The following ZBTB16 variants were observed in gnomAD, a reference collection of about 807,000 sequenced individuals.
The protein encoded by ZBTB16 is zinc finger and BTB domain containing 16.
Under a neutral mutation model 56.8 loss-of-function variants are expected in ZBTB16, and 8 were observed. The ratio of observed to expected loss-of-function variants is 0.14; its 90% CI spans 0.08 to 0.25. ZBTB16 has a LOEUF of 0.25. Among genes scored for constraint, ZBTB16 ranks in the 10% least tolerant of loss-of-function variants. ZBTB16 has a pLI of 1.00. For missense variants in ZBTB16, 625 were observed against 903.0 expected, an observed-to-expected ratio of 0.69 and a Z score of 3.95; for synonymous variants, 363 against 368.5, an observed-to-expected ratio of 0.98 and a Z score of 0.17.
At chr11:114,156,750 T>C (rs1009728516) in intron 3 of ZBTB16, among the ~76,000 whole-genome samples, 3 of 152,266 alleles carry the variant, frequency 2.0e-5, no homozygotes, top group Non-Finnish European at 4.4e-5. Context: ...AGGTTCTCAC[T>C]GTCTAATGAA....
At chr11:114,237,074 C>T (rs1163297580) in intron 4 of ZBTB16, 1 of 152,316 alleles carries the variant, frequency 6.6e-6, no homozygotes, top group East Asian at 1.9e-4. Flanking sequence ...GTTCACTGCA[C>T]AAGGGTGCCC....
At chr11:114,155,383 C>T (rs1013086438) in intron 2 of ZBTB16, among the ~76,000 whole-genome samples, 6 of 152,256 alleles carry the variant, frequency 3.9e-5, no homozygotes, top group African/African-American at 7.2e-5. Context: ...TCCCTGCTAG[C>T]GCACCCGGTT....
chr11:114,192,954 G>A (rs986922059), intron 4 of ZBTB16, among the ~76,000 whole-genome samples: 1 of 152,210 alleles, frequency 6.6e-6, no homozygotes, highest in Non-Finnish European at 1.5e-5. Context: ...GTCCCCGAGG[G>A]ATGAGCAGCT....
chr11:114,198,755 T>G (rs1266821348), intron 4 of ZBTB16, among the ~76,000 whole-genome samples: 1 of 152,180 alleles, frequency 6.6e-6, no homozygotes, highest in Non-Finnish European at 1.5e-5. Context: ...GGCACATCAT[T>G]GTCACCCAGG....
rs557815205 is a variant in ZBTB16, at chr11:114,253,357, G to A, written c.*2802G>A. ...TTTTGTAGTATCTGTTAGTTCCTTC[G>A]TCAGTTCTGCAGAACCTTGCCCTTT... On this transcript the variant is annotated 3_prime_UTR_variant, in exon 7 of 7. Coordinates refer to ENST00000335953, the MANE Select transcript of ZBTB16 (RefSeq NM_006006.6). Among the ~76,000 whole-genome samples, 2 of 152,104 alleles carry A rather than the reference G, an allele frequency of 1.3e-5. No individual in the cohort carries two copies. Among genetic ancestry groups the A allele is most frequent in the Non-Finnish European group, 2.9e-5 (2 of 68,006 alleles).
At chr11:114,228,075 C>T (rs566543654) in intron 4 of ZBTB16, among the ~76,000 whole-genome samples, 5 of 152,254 alleles carry the variant, frequency 3.3e-5, no homozygotes, top group African/African-American at 1.2e-4. Flanking sequence ...CCATTGGCTC[C>T]CTGGGCAGTC....
chr11:114,138,312 T>C (rs1197460819), intron 2 of ZBTB16, among the ~76,000 whole-genome samples: 1 of 152,112 alleles, frequency 6.6e-6, no homozygotes, highest in East Asian at 1.9e-4. Flanking sequence ...GACAGAGGCA[T>C]AGGTTTTTGG....
At chr11:114,219,317 A>C (rs1273343800) in intron 4 of ZBTB16, among the ~76,000 whole-genome samples, 1 of 152,234 alleles carries the variant, frequency 6.6e-6, no homozygotes, top group Non-Finnish European at 1.5e-5. Flanking sequence ...AGAACACTCC[A>C]GGTCACAGAC....
chr11:114,077,182 C>G (rs1408313678), intron 2 of ZBTB16, among the ~76,000 whole-genome samples: 1 of 152,118 alleles, frequency 6.6e-6, no homozygotes, highest in African/African-American at 2.4e-5. Flanking sequence ...TTCATTCTGG[C>G]CAGCCCTGGA....
chr11:114,142,308 G>A (rs566715355), intron 2 of ZBTB16, among the ~76,000 whole-genome samples: 396 of 152,268 alleles, frequency 2.6e-3, no homozygotes, highest in Non-Finnish European at 3.9e-3. Context: ...GTAGCTCTAT[G>A]CCCTGCCAAG....
At chr11:114,213,377 A>G (rs1944034450) in intron 4 of ZBTB16, among the ~76,000 whole-genome samples, 1 of 152,176 alleles carries the variant, frequency 6.6e-6, no homozygotes, top group African/African-American at 2.4e-5. Flanking sequence ...ATGCAATACA[A>G]AGAATTTTCT....
At chr11:114,070,344 A>G (rs889203197) in intron 2 of ZBTB16, among the ~76,000 whole-genome samples, 3 of 150,886 alleles carry the variant, frequency 2.0e-5, no homozygotes, top group Admixed American at 6.6e-5. Flanking sequence ...TCCTGACCTC[A>G]TGATCCACCC....
chr11:114,186,639 C>T (rs1196412599), intron 3 of ZBTB16, among the ~76,000 whole-genome samples: 1 of 152,022 alleles, frequency 6.6e-6, no homozygotes, highest in African/African-American at 2.4e-5. Context: ...TCCCCCCCAT[C>T]ACCTGGAGCT....
chr11:114,208,922 G>A (rs1414785331), intron 4 of ZBTB16, among the ~76,000 whole-genome samples: 1 of 152,208 alleles, frequency 6.6e-6, no homozygotes, highest in Non-Finnish European at 1.5e-5. Flanking sequence ...GGGTCAATGA[G>A]ACAGATTCCA....
intron 4 of ZBTB16, among the ~76,000 whole-genome samples, chr11:114,231,308 C>A (rs771176611): frequency 2.0e-5 from 3 of 152,124 alleles, no homozygotes; most frequent in Non-Finnish European, 2.9e-5. Context: ...GGGTCTGGTT[C>A]TCTGACTTGC....
chr11:114,214,269 T>G (rs28499226), intron 4 of ZBTB16, among the ~76,000 whole-genome samples: 1 of 152,182 alleles, frequency 6.6e-6, no homozygotes, highest in African/African-American at 2.4e-5. Flanking sequence ...ATTAGATTAC[T>G]GGGAAAGAGT....
rs79028993 is a variant in ZBTB16 at position 114,098,014 on chromosome 11, A to G, written c.1268+33446A>G. Among the ~76,000 whole-genome samples, 41 of 152,232 alleles carry G rather than the reference A, an allele frequency of 2.7e-4. No homozygotes were observed. The East Asian group carries it at 7.7e-3, about 29-fold the overall frequency. ...TCAGGTTTTCAGAGGTTTTCTATTC[A>G]CCATCTGTGACGGGCCTTGTCTCCT... is the stretch of plus-strand genomic sequence containing the variant. On this transcript the variant is annotated intron_variant, in intron 2 of 6. Coordinates refer to ENST00000335953, the MANE Select transcript of ZBTB16 (RefSeq NM_006006.6).
chr11:114,088,073 T>C (rs1940026616), intron 2 of ZBTB16, among the ~76,000 whole-genome samples: 2 of 151,812 alleles, frequency 1.3e-5, no homozygotes, highest in Admixed American at 1.3e-4. Flanking sequence ...TTGCATCCAG[T>C]TGGAAATAAT....
chr11:114,219,071 T>G (rs1944170104), intron 4 of ZBTB16, among the ~76,000 whole-genome samples: 1 of 152,188 alleles, frequency 6.6e-6, no homozygotes, highest in Admixed American at 6.5e-5. Context: ...TGTGTATGCA[T>G]GTACGTGCGT....
Sources: allele counts gnomAD v4.1 joint callset (sites outside exome capture counted in the v4.1 genomes callset), GRCh38; gene constraint gnomAD v4.1.1; transcripts MANE v1.5; gene names NCBI Gene and HGNC (gene_info 2026-07-23, HGNC 2026-07-21).